The following UTY variants were observed in gnomAD, a reference collection of about 807,000 sequenced individuals.
The protein encoded by UTY is ubiquitously transcribed tetratricopeptide repeat containing, Y-linked.
A neutral mutation model predicts 32.5 loss-of-function variants in UTY; 12 were observed. The ratio of observed to expected loss-of-function variants is 0.37; its 90% CI spans 0.24 to 0.60. The LOEUF is 0.60. UTY is among the 20% of genes least tolerant of loss of function. The pLI is 0.69. For missense variants in UTY, 303 were observed against 299.2 expected (o/e 1.01, Z -0.09); for synonymous variants, 131 against 103.4 (o/e 1.27, Z -1.62).
At chrY:13,366,938 T>C (rs2064245040) in intron 9 of UTY, among the ~76,000 whole-genome samples, 1 of 34,312 alleles carries the variant, frequency 2.9e-5, no homozygotes. Context: ...CATCCTATGT[T>C]CAAGAGATTT....
At chrY:13,292,116 G>C in intron 27 of UTY, among the ~76,000 whole-genome samples, 1 of 32,828 alleles carries the variant, frequency 3.0e-5, no homozygotes, top group Admixed American at 2.8e-4. Context: ...AAAAAAGAGA[G>C]AAGACTCCAA....
At chrY:13,331,911 T>C in intron 18 of UTY, among the ~76,000 whole-genome samples, 1 of 33,471 alleles carries the variant, frequency 3.0e-5, no homozygotes. Context: ...AACAGGACTA[T>C]GTGAAAAGAC....
chrY:13,454,025 C>G, intron 3 of UTY, among the ~76,000 whole-genome samples: 1 of 26,164 alleles, frequency 3.8e-5, no homozygotes. Context: ...AGTTCGAGAC[C>G]AGCCTGGCCA....
At chrY:13,405,065 A>G (rs2069671150) in intron 6 of UTY, among the ~76,000 whole-genome samples, 2 of 32,316 alleles carry the variant, frequency 6.2e-5, no homozygotes, top group South Asian at 6.8e-4. Flanking sequence ...ATGTGTACAT[A>G]TGTGTGTGTG....
chrY:13,335,907 T>C lies in UTY; in HGVS notation c.2490A>G (p.Gly830=). 1 of 399,274 alleles carries C rather than the reference T, an allele frequency of 2.5e-6. No individual in the cohort carries two copies. The highest frequency in any genetic ancestry group is 3.0e-5 in the South Asian group (1 of 33,820). ...CAGTACCCACATTGCCATTGGCTTT[T>C]CCAATCAACAAAGCAGAGAGCTGAG... ...DNPQLSALLI[G]KANGNVGTGT... The change falls in exon 18 of 30, where the codon GGA becomes GGG. Residue 830 remains glycine, a synonymous_variant. Coordinates refer to ENST00000545955, the MANE Select transcript of UTY (RefSeq NM_001258249.2).
chrY:13,285,067 C>T (rs2057275941), intron 27 of UTY, among the ~76,000 whole-genome samples: 1 of 34,521 alleles, frequency 2.9e-5, no homozygotes. Flanking sequence ...TCTCCCAACA[C>T]TAAGTTCACT....
chrY:13,244,647 A>T, downstream of UTY, among the ~76,000 whole-genome samples: 1 of 33,061 alleles, frequency 3.0e-5, no homozygotes, highest in Non-Finnish European at 7.5e-5. Context: ...GAGAAACACC[A>T]TATGGACTGG....
At chrY:13,452,075 G>A in intron 3 of UTY, among the ~76,000 whole-genome samples, 1 of 33,568 alleles carries the variant, frequency 3.0e-5, no homozygotes, top group African/African-American at 1.2e-4. Context: ...GTAGATTAAC[G>A]TAAGATCCAC....
intron 21 of UTY, among the ~76,000 whole-genome samples, chrY:13,313,210 G>C: frequency 2.9e-5 from 1 of 33,948 alleles, no homozygotes; most frequent in South Asian, 6.4e-4. Flanking sequence ...TGACTGAGTG[G>C]TTAATTTAAA....
chrY:13,331,716 C>T (rs756687207), intron 18 of UTY, among the ~76,000 whole-genome samples: 1 of 33,660 alleles, frequency 3.0e-5, no homozygotes, highest in Non-Finnish European at 7.4e-5. Context: ...TAGAGAGGAA[C>T]ATAAATGACC....
At chrY:13,273,219 A>T (rs2056414718) in intron 27 of UTY, among the ~76,000 whole-genome samples, 1 of 33,729 alleles carries the variant, frequency 3.0e-5, no homozygotes, top group Admixed American at 2.7e-4. Context: ...AAACTAACCT[A>T]TTGTTGCATA....
intron 3 of UTY, among the ~76,000 whole-genome samples, chrY:13,449,567 G>T (rs750179247): frequency 1.2e-4 from 4 of 32,585 alleles, no homozygotes; most frequent in Admixed American, 1.1e-3. Context: ...TAAAGTAGTT[G>T]TTCCTGACAG....
downstream of UTY, among the ~76,000 whole-genome samples, chrY:13,246,683 C>A: frequency 1.7e-4 from 5 of 30,243 alleles, no homozygotes; most frequent in Non-Finnish European, 2.4e-4. Flanking sequence ...GAGTTTGAGA[C>A]CAGCCTGCCT....
chrY:13,374,519 C>T, intron 8 of UTY, among the ~76,000 whole-genome samples: 1 of 33,169 alleles, frequency 3.0e-5, no homozygotes, highest in African/African-American at 1.2e-4. Flanking sequence ...TTTTAAGCCA[C>T]AAAAATATAT....
intron 4 of UTY, among the ~76,000 whole-genome samples, chrY:13,420,252 C>T: frequency 3.0e-5 from 1 of 33,446 alleles, no homozygotes. Flanking sequence ...ACTCAAAGCT[C>T]ACAAAGACCA....
chrY:13,317,072 C>G, intron 21 of UTY, among the ~76,000 whole-genome samples: 1 of 33,150 alleles, frequency 3.0e-5, no homozygotes, highest in Non-Finnish European at 7.5e-5. Flanking sequence ...GGCACAGTCT[C>G]GGCTCACTGC....
intron 9 of UTY, among the ~76,000 whole-genome samples, chrY:13,368,444 A>G (rs2064515813): frequency 6.5e-5 from 2 of 30,573 alleles, no homozygotes; most frequent in South Asian, 1.5e-3. Context: ...CAGTGGCGCA[A>G]TCTCGGCTGA....
At chrY:13,384,669 T>C in intron 8 of UTY, among the ~76,000 whole-genome samples, 2 of 32,578 alleles carry the variant, frequency 6.1e-5, no homozygotes, top group Non-Finnish European at 1.5e-4. Context: ...TCTCAAAAAA[T>C]ATTAATAGTT....
intron 7 of UTY, 49 bp from the exon 8 acceptor site, chrY:13,393,942 T>C: frequency 1.7e-5 from 5 of 286,489 alleles, no homozygotes; most frequent in African/African-American, 7.4e-5. Context: ...TCTAATGTAA[T>C]AAAGTAACAA....
Sources: gnomAD v4.1 joint callset for allele counts (sites outside exome capture counted in the v4.1 genomes callset) on GRCh38, gnomAD v4.1.1 for gene constraint, MANE v1.5 for transcripts, NCBI Gene and HGNC (gene_info 2026-07-23, HGNC 2026-07-21) for gene names.